ADGRV1: variants seen among roughly 807,000 people sequenced by gnomAD.
ADGRV1 encodes G-protein coupled receptor 98.
Under a neutral mutation model 596.2 loss-of-function variants are expected in ADGRV1, and 359 were observed. The ratio of observed to expected loss-of-function variants is 0.60; its 90% CI spans 0.55 to 0.66. The LOEUF (loss-of-function observed/expected upper bound fraction) is 0.66, where lower values mean the gene tolerates loss of function less well. ADGRV1 is among the 30% of genes least tolerant of loss of function. ADGRV1 has a pLI of 0.00. For missense variants in ADGRV1, 7,274 were observed against 7,575.6 expected, an observed-to-expected ratio of 0.96 and a Z score of 1.48; for synonymous variants, 2,681 against 2,679.2, an observed-to-expected ratio of 1.00 and a Z score of -0.02.
chr5:91,057,834 A>G (rs903999729), intron 85 of ADGRV1, among the ~76,000 whole-genome samples: 3 of 152,108 alleles, frequency 2.0e-5, no homozygotes, highest in Non-Finnish European at 2.9e-5. Flanking sequence ...GAATTTTTGT[A>G]TTATGCAAAA....
chr5:90,617,753 T>G, intron 2 of ADGRV1, 51 bp from the exon 3 acceptor site: 2 of 1,451,266 alleles, frequency 1.4e-6, no homozygotes, highest in African/African-American at 1.4e-5. Flanking sequence ...TCAGTTTTAC[T>G]TGTCCTAATA....
chr5:90,759,483 G>T lies in ADGRV1; in HGVS notation c.12015G>T (p.Leu4005Phe). The T allele has an allele frequency of 6.2e-7, 1 of 1,610,122 alleles. No homozygotes were observed. Among genetic ancestry groups the T allele is most frequent in the Non-Finnish European group, 8.5e-7 (1 of 1,177,784 alleles). Residue 4005 changes from leucine to phenylalanine, a missense_variant, in exon 58 of 90, where the codon TTG (leucine) becomes TTT (phenylalanine). Coordinates refer to ENST00000405460, the MANE Select transcript of ADGRV1 (RefSeq NM_032119.4). ...FELTETFNIS[L>F]ISVAGGGRLG... is the part of the protein sequence containing the mutation. ...TGACAGAGACGTTCAATATTTCCTT[G>T]ATCAGTGTTGCTGGAGGTGGCAGAC...
chr5:91,019,621 C>T (rs1363465895), intron 85 of ADGRV1, among the ~76,000 whole-genome samples: 1 of 151,964 alleles, frequency 6.6e-6, no homozygotes, highest in South Asian at 2.1e-4. Context: ...CACTTGATCC[C>T]TCTTTTTTCA....
At chr5:90,868,879 CCATTCAA>C (rs1303442283) in intron 83 of ADGRV1, among the ~76,000 whole-genome samples, 5 of 152,030 alleles carry the variant, frequency 3.3e-5, no homozygotes, top group African/African-American at 1.2e-4. Context: ...GACTGAGTGA[CCATTCAA>C]CATTCAATTG....
intron 69 of ADGRV1, 71 bp from the exon 70 acceptor site, chr5:90,790,802 C>A: frequency 3.0e-6 from 3 of 988,662 alleles, no homozygotes; most frequent in South Asian, 3.4e-5. Context: ...TAGAGAAAAA[C>A]ATAATTTAAG....
At chr5:90,734,379 C>CAGTG (rs1409316196) in intron 50 of ADGRV1, among the ~76,000 whole-genome samples, 25 of 152,196 alleles carry the variant, frequency 1.6e-4, no homozygotes, top group African/African-American at 5.5e-4. Context: ...TTTCTACCAA[C>CAGTG]AGTGCATCTG....
chr5:90,785,263 A>G (rs1033397996), intron 67 of ADGRV1, among the ~76,000 whole-genome samples: 14 of 152,220 alleles, frequency 9.2e-5, no homozygotes, highest in Admixed American at 3.9e-4. Context: ...TTCAAGATGG[A>G]TTAAAGACTT....
chr5:91,025,684 G>T (rs1365567386), intron 85 of ADGRV1, among the ~76,000 whole-genome samples: 1 of 152,064 alleles, frequency 6.6e-6, no homozygotes, highest in Non-Finnish European at 1.5e-5. Flanking sequence ...GGAACCAGGG[G>T]CATCACCAAT....
intron 20 of ADGRV1, among the ~76,000 whole-genome samples, 171 bp from the exon 21 acceptor site, chr5:90,657,734 T>C (rs1769626134): frequency 6.6e-6 from 1 of 151,922 alleles, no homozygotes; most frequent in African/African-American, 2.4e-5. Flanking sequence ...GATTCCTTTT[T>C]TAAAATCATA....
chr5:90,661,903 G>A (rs900892302), intron 21 of ADGRV1, among the ~76,000 whole-genome samples: 4 of 151,996 alleles, frequency 2.6e-5, no homozygotes, highest in African/African-American at 4.8e-5. Flanking sequence ...ATTACATACC[G>A]GAGTCTAGTA....
chr5:90,720,897 AC>A, intron 44 of ADGRV1, 37 bp from the exon 45 acceptor site: 1 of 1,568,348 alleles, frequency 6.4e-7, no homozygotes, highest in Non-Finnish European at 8.7e-7. Flanking sequence ...TAGAATGTAT[AC>A]TTTTTCTGCT....
intron 85 of ADGRV1, among the ~76,000 whole-genome samples, chr5:91,008,986 G>A (rs1782511222): frequency 6.6e-6 from 1 of 152,080 alleles, no homozygotes; most frequent in Non-Finnish European, 1.5e-5. Flanking sequence ...ATTCATATTT[G>A]TAGTGGAGGA....
chr5:91,044,209 A>G (rs1426748307), intron 85 of ADGRV1, among the ~76,000 whole-genome samples: 2 of 152,168 alleles, frequency 1.3e-5, no homozygotes, highest in Non-Finnish European at 2.9e-5. Flanking sequence ...CTTGCACTGA[A>G]TTGAACACTA....
At chr5:90,774,422 G>T in intron 60 of ADGRV1, 119 bp downstream of exon 60, 2 of 615,232 alleles carry the variant, frequency 3.3e-6, no homozygotes, top group Non-Finnish European at 5.7e-6. Context: ...AAAACATAAA[G>T]ATACCATTTT....
intron 84 of ADGRV1, among the ~76,000 whole-genome samples, chr5:90,966,510 C>A (rs1435374112): frequency 8.8e-6 from 1 of 113,986 alleles, no homozygotes; most frequent in Non-Finnish European, 1.7e-5. Context: ...CCAGCCTGGG[C>A]GAGAAAAGCG....
chr5:90,861,457 G>A (rs979350404), intron 82 of ADGRV1, among the ~76,000 whole-genome samples: 3 of 151,924 alleles, frequency 2.0e-5, no homozygotes, highest in Non-Finnish European at 2.9e-5. Flanking sequence ...CTACAGGTGC[G>A]TGCCACCATG....
At chr5:90,642,577 C>T in intron 11 of ADGRV1, 59 bp from the exon 12 acceptor site, 1 of 1,583,622 alleles carries the variant, frequency 6.3e-7, no homozygotes, top group Non-Finnish European at 8.6e-7. Context: ...TAAAAGCCTG[C>T]AAAATTCAGA....
chr5:90,653,068 A>T, intron 19 of ADGRV1, 141 bp from the exon 20 acceptor site: 2 of 740,138 alleles, frequency 2.7e-6, no homozygotes, highest in Non-Finnish European at 4.3e-6. Context: ...GGTGAAAGCC[A>T]CATGGTGACA....
intron 21 of ADGRV1, 45 bp downstream of exon 21, chr5:90,658,323 A>G: frequency 6.8e-7 from 1 of 1,465,916 alleles, no homozygotes; most frequent in Non-Finnish European, 9.0e-7. Context: ...AATTCATTGT[A>G]GGTGGATTTG....
Sources: allele counts gnomAD v4.1 joint callset (sites outside exome capture counted in the v4.1 genomes callset), GRCh38; gene constraint gnomAD v4.1.1; transcripts MANE v1.5; gene names NCBI Gene and HGNC (gene_info 2026-07-23, HGNC 2026-07-21).